The following GABRB3 variants were observed in gnomAD, a reference collection of about 807,000 sequenced individuals.
The protein encoded by GABRB3 is gamma-aminobutyric acid receptor subunit beta-3.
A neutral mutation model predicts 52.1 loss-of-function variants in GABRB3; 14 were observed. That is an observed-to-expected ratio of 0.27 (90% CI 0.18 to 0.42). GABRB3 has a LOEUF of 0.42. Ranked by LOEUF, GABRB3 falls within the 10% of genes least tolerant of loss-of-function variation. GABRB3 has a pLI of 1.00. For missense variants in GABRB3, 307 were observed against 609.1 expected (o/e 0.50, Z 5.22); for synonymous variants, 260 against 232.3 (o/e 1.12, Z -1.08).
intron 3 of GABRB3, among the ~76,000 whole-genome samples, chr15:26,717,991 C>A (rs879338819): frequency 6.6e-6 from 1 of 152,192 alleles, no homozygotes; most frequent in Non-Finnish European, 1.5e-5. Context: ...CTCATTCTGT[C>A]TCATTCTTTC....
At chr15:26,732,157 G>A (rs961870284) in intron 3 of GABRB3, among the ~76,000 whole-genome samples, 2 of 151,960 alleles carry the variant, frequency 1.3e-5, no homozygotes, top group Non-Finnish European at 2.9e-5. Context: ...TGGAAGGATG[G>A]ATGGATGGAT....
chr15:26,672,134 G>A (rs187470203), intron 3 of GABRB3, among the ~76,000 whole-genome samples: 113 of 151,992 alleles, frequency 7.4e-4, no homozygotes, highest in Admixed American at 3.7e-3. Flanking sequence ...ACAAACTGTT[G>A]GAAGGTCCAG....
At chr15:26,732,300 G>GAATA (rs148342005) in intron 3 of GABRB3, among the ~76,000 whole-genome samples, 1 of 70,442 alleles carries the variant, frequency 1.4e-5, no homozygotes, top group African/African-American at 6.2e-5. Context: ...ATAGATGGAT[G>GAATA]GATGGATGGA....
intron 3 of GABRB3, among the ~76,000 whole-genome samples, chr15:26,660,535 T>G (rs558062158): frequency 2.1e-4 from 32 of 152,190 alleles, no homozygotes; most frequent in Non-Finnish European, 4.3e-4. Flanking sequence ...GCTTTGACAG[T>G]AAGGACTATT....
chr15:26,698,559 G>A (rs913213212), intron 3 of GABRB3, among the ~76,000 whole-genome samples: 1 of 152,050 alleles, frequency 6.6e-6, no homozygotes, highest in Admixed American at 6.5e-5. Flanking sequence ...GATAAAAATA[G>A]AAAAGAGAAA....
chr15:26,719,920 CCT>C (rs1889597686), intron 3 of GABRB3, among the ~76,000 whole-genome samples: 1 of 152,182 alleles, frequency 6.6e-6, no homozygotes, highest in Non-Finnish European at 1.5e-5. Context: ...CATCATATCC[CCT>C]GTGACCTGCA....
intron 3 of GABRB3, among the ~76,000 whole-genome samples, chr15:26,687,682 T>A (rs1888450422): frequency 6.6e-6 from 1 of 152,210 alleles, no homozygotes; most frequent in South Asian, 2.1e-4. Flanking sequence ...TTGAGAAAAG[T>A]TTGACTGACA....
chr15:26,772,765 C>T lies in GABRB3; in HGVS notation c.88G>A (p.Asp30Asn). The part of the protein sequence containing the change: ...AVVCCAQSVN[D>N]PGNMSFVKET... ...TTCACAAAGGACATGTTCCCGGGAT[C>T]GTTCACACTGGGGGAGGGACGGGGA... The change falls in exon 2 of 9, where the codon GAT (aspartate) becomes AAT (asparagine). Residue 30 changes from aspartate to asparagine, a missense_variant. Physicochemically the swap from Asp to Asn is conservative, Grantham distance 23 (BLOSUM62 1). Coordinates refer to ENST00000311550, the MANE Select transcript of GABRB3 (RefSeq NM_000814.6). The T allele has an allele frequency of 6.5e-7, 1 of 1,545,804 alleles. No homozygotes were observed. Among genetic ancestry groups the T allele is most frequent in the African/African-American group, 1.4e-5 (1 of 70,090 alleles).
At chr15:26,667,634 CAATCTAACGGT>C in intron 3 of GABRB3, among the ~76,000 whole-genome samples, 1 of 152,198 alleles carries the variant, frequency 6.6e-6, no homozygotes, top group East Asian at 1.9e-4. Flanking sequence ...TGAGTTAAAA[CAATCTAACGGT>C]AATTCCTTCT....
At chr15:26,654,934 C>T (rs1887320286) in intron 3 of GABRB3, among the ~76,000 whole-genome samples, 2 of 152,130 alleles carry the variant, frequency 1.3e-5, no homozygotes, top group East Asian at 3.9e-4. Flanking sequence ...CTGGGGTTAG[C>T]TTATCCTCCC....
rs190887478 is a variant in GABRB3, at chr15:26,720,708, A to G, written c.240+51694T>C. ...CTTTATACATGTATAGGGCCTTCAC[A>G]CATACGCAATCCCTCAGGATTTTCT... On this transcript the variant is annotated intron_variant, in intron 3 of 8. Transcript: ENST00000311550. 2.0e-5 allele frequency among the ~76,000 whole-genome samples: 3 copies of G among 152,276 alleles called. No homozygotes were observed. In the East Asian group the frequency reaches 5.8e-4, roughly 29 times the overall value.
chr15:26,639,623 C>T (rs771267133), intron 3 of GABRB3, among the ~76,000 whole-genome samples: 11 of 152,136 alleles, frequency 7.2e-5, no homozygotes, highest in Non-Finnish European at 8.8e-5. Context: ...ACTGTACATA[C>T]CCAGTACGTG....
rs201005324 is a variant in GABRB3, at chr15:26,545,190, GTATT to G, written c.*2599_*2602del. The G allele has an allele frequency of 7.4e-6, 1 of 134,612 alleles. No individual in the cohort carries two copies. The allele number at this position is 134,612 out of a possible 1,614,324, so 8.3% of individuals were successfully genotyped here. Reference sequence around the variant, plus strand: ...TTTTGTTTTTACAGAATATATGTATGTATTTGTGTGTGTGTGTGTGTGTGTGTGT... The same window carrying G: ...TTTTGTTTTTACAGAATATATGTATGTGTGTGTGTGTGTGTGTGTGTGTGT... On this transcript the variant is annotated 3_prime_UTR_variant, in exon 9 of 9. Coordinates refer to ENST00000311550, the MANE Select transcript of GABRB3 (RefSeq NM_000814.6).
rs149646336 is a variant in GABRB3 at position 26,641,150 on chromosome 15, C to T, written c.241-19616G>A. 1.5e-3 allele frequency among the ~76,000 whole-genome samples: 225 copies of T among 152,270 alleles called. 3 individuals carry two copies. In the East Asian group the frequency reaches 0.027, roughly 19 times the overall value. ...GGAGTGGCGAACATCTATGAAGATC[C>T]GTAGACTCCCATCTCAGCCTCTATA... is the stretch of plus-strand genomic sequence containing the variant. On this transcript the variant is annotated intron_variant, in intron 3 of 8. Coordinates refer to ENST00000311550, the MANE Select transcript of GABRB3 (RefSeq NM_000814.6).
At chr15:26,631,859 G>A (rs1892920836) in intron 3 of GABRB3, among the ~76,000 whole-genome samples, 1 of 152,124 alleles carries the variant, frequency 6.6e-6, no homozygotes, top group African/African-American at 2.4e-5. Flanking sequence ...TTCCTTCTCT[G>A]CCTCCCTCCA....
chr15:26,578,556 G>A (rs938330324), intron 6 of GABRB3, among the ~76,000 whole-genome samples: 6 of 152,234 alleles, frequency 3.9e-5, no homozygotes, highest in Admixed American at 3.9e-4. Flanking sequence ...TTTCAAGTTA[G>A]TGGATTCAGG....
intron 4 of GABRB3, among the ~76,000 whole-genome samples, chr15:26,589,659 T>C (rs1489803977): frequency 6.6e-6 from 1 of 152,118 alleles, no homozygotes; most frequent in African/African-American, 2.4e-5. Context: ...TCATTACACC[T>C]ACAAATCAGA....
chr15:26,624,805 G>A (rs1892623726), intron 3 of GABRB3: 6 of 985,372 alleles, frequency 6.1e-6, no homozygotes, highest in African/African-American at 1.7e-5. Context: ...AAAGGTCCAA[G>A]CCTCCCTCCA....
In GABRB3 at chr15:26,580,352, G is replaced by A. The variant is rs1301259280; in HGVS notation, c.649C>T (p.Arg217Cys). 1.2e-6 allele frequency: 2 copies of A among 1,613,998 alleles called. No individual in the cohort carries two copies. Among genetic ancestry groups the A allele is most frequent in the Admixed American group, 1.7e-5 (1 of 59,994 alleles). The stretch of plus-strand genomic sequence containing the variant: ...AAGACAACATTCCTCGAGACCAGAC[G>A]GTGCTCCACGATGGAGAACTGCGGG... ...ELPQFSIVEHRLVSRNVVFAT... is the reference protein window; with the variant it reads ...ELPQFSIVEHCLVSRNVVFAT... The change falls in exon 6 of 9, where the codon CGT becomes TGT. Residue 217 changes from arginine to cysteine, a missense_variant. Coordinates refer to ENST00000311550, the MANE Select transcript of GABRB3 (RefSeq NM_000814.6).
Sources: allele counts gnomAD v4.1 joint callset (sites outside exome capture counted in the v4.1 genomes callset), GRCh38; gene constraint gnomAD v4.1.1; transcripts MANE v1.5; gene names NCBI Gene and HGNC (gene_info 2026-07-23, HGNC 2026-07-21).